The following THSD4 variants were observed in gnomAD, a reference collection of about 807,000 sequenced individuals.
The protein encoded by THSD4 is thrombospondin type-1 domain-containing protein 4.
Under a neutral mutation model 119.0 loss-of-function variants are expected in THSD4, and 69 were observed. The observed-to-expected ratio is 0.58, with a 90% CI of 0.48 to 0.71. The LOEUF (loss-of-function observed/expected upper bound fraction) is 0.71. Among genes scored for constraint, THSD4 ranks in the 30% least tolerant of loss-of-function variants. The pLI, the probability that THSD4 is intolerant of heterozygous loss-of-function variation, is 0.00. For synonymous variants in THSD4, 524 were observed against 540.4 expected (o/e 0.97, Z 0.42); for missense variants, 1,393 against 1,391.1 (o/e 1.00, Z -0.02).
intron 6 of THSD4, among the ~76,000 whole-genome samples, chr15:71,384,155 G>A (rs994081219): frequency 2.0e-5 from 3 of 152,170 alleles, no homozygotes; most frequent in Non-Finnish European, 4.4e-5. Context: ...CGAGGCGGGC[G>A]GATCACGATG....
intron 6 of THSD4, among the ~76,000 whole-genome samples, chr15:71,352,911 T>C (rs2045762170): frequency 6.6e-6 from 1 of 152,232 alleles, no homozygotes; most frequent in Non-Finnish European, 1.5e-5. Flanking sequence ...GAAGGGAGCA[T>C]CGTGAGCAAT....
rs150515472 is a variant in THSD4, at chr15:71,765,575, T to C, written c.2769+376T>C. Among the ~76,000 whole-genome samples, 992 of 152,292 alleles carry C rather than the reference T, an allele frequency of 6.5e-3. 5 individuals carry two copies. The highest frequency in any genetic ancestry group is 0.011 in the Non-Finnish European group (744 of 68,014). On this transcript the variant is annotated intron_variant, in intron 16 of 17. Coordinates refer to ENST00000261862, the MANE Select transcript of THSD4 (RefSeq NM_024817.3). ...TACTGCATTTTGAGCAATGCTGCCATAGAGGATTGAGGATTCAAGGGTGCT... is the reference window on the plus strand; with the variant it reads ...TACTGCATTTTGAGCAATGCTGCCACAGAGGATTGAGGATTCAAGGGTGCT...
intron 6 of THSD4, among the ~76,000 whole-genome samples, chr15:71,311,542 G>C (rs2045111067): frequency 6.6e-6 from 1 of 152,082 alleles, no homozygotes; most frequent in African/African-American, 2.4e-5. Flanking sequence ...GTCTGATCCC[G>C]GGGTTTCATG....
intron 7 of THSD4, among the ~76,000 whole-genome samples, chr15:71,565,125 G>C (rs1405428730): frequency 1.3e-5 from 2 of 152,166 alleles, no homozygotes; most frequent in Non-Finnish European, 2.9e-5. Context: ...AGGTCCAGCA[G>C]ATTTCTAGAG....
At chr15:71,477,220 G>A (rs2047666784) in intron 7 of THSD4, among the ~76,000 whole-genome samples, 1 of 152,226 alleles carries the variant, frequency 6.6e-6, no homozygotes. Context: ...CCAAATGTGT[G>A]AGGGTGTGAC....
intron 7 of THSD4, among the ~76,000 whole-genome samples, chr15:71,635,805 A>G (rs552104923): frequency 1.3e-5 from 2 of 152,254 alleles, no homozygotes; most frequent in Non-Finnish European, 2.9e-5. Context: ...TGCCCACAAC[A>G]TGGCACTTTA....
intron 1 of THSD4, among the ~76,000 whole-genome samples, chr15:71,104,803 T>C (rs946833757): frequency 1.3e-5 from 2 of 152,190 alleles, no homozygotes; most frequent in African/African-American, 4.8e-5. Flanking sequence ...AGTAGAGCTT[T>C]GTGTAAAAAT....
At chr15:71,575,164 G>T (rs926279641) in intron 7 of THSD4, among the ~76,000 whole-genome samples, 7 of 152,110 alleles carry the variant, frequency 4.6e-5, no homozygotes, top group African/African-American at 1.7e-4. Context: ...CTAAAGCTGG[G>T]CTTGTTTGGT....
intron 7 of THSD4, among the ~76,000 whole-genome samples, chr15:71,428,458 A>G (rs2046902782): frequency 6.6e-6 from 1 of 152,086 alleles, no homozygotes; most frequent in Admixed American, 6.5e-5. Flanking sequence ...ACGATTTTTT[A>G]ACATAGGCTG....
rs367608999 is a variant in THSD4 at position 71,194,465 on chromosome 15, T to C, written c.100-20570T>C. 2.2e-4 allele frequency among the ~76,000 whole-genome samples: 33 copies of C among 152,084 alleles called. No homozygotes were observed. In the East Asian group the frequency reaches 2.3e-3, roughly 11 times the overall value. ...TAGTTTGCCATTTCCACACTCAGGG[T>C]CGGGGCATGGATTTGGCCCCTCTGG... is the stretch of plus-strand genomic sequence containing the variant. On this transcript the variant is annotated intron_variant, in intron 3 of 17. Coordinates refer to ENST00000261862, the MANE Select transcript of THSD4 (RefSeq NM_024817.3).
chr15:71,600,491 C>A (rs925977284), intron 7 of THSD4, among the ~76,000 whole-genome samples: 5 of 152,180 alleles, frequency 3.3e-5, no homozygotes, highest in African/African-American at 1.2e-4. Flanking sequence ...TAATGCCTTA[C>A]ACATATGAGG....
At position 71,124,094 on chromosome 15, in the gene THSD4, C is replaced by T. The variant is rs78337265; in HGVS notation, c.-80+8396C>T. Among the ~76,000 whole-genome samples the T allele has an allele frequency of 6.8e-3, 1,040 of 152,302 alleles. 12 individuals carry two copies. Among genetic ancestry groups the T allele is most frequent in the African/African-American group, 0.024 (986 of 41,548 alleles). On this transcript the variant is annotated intron_variant, in intron 1 of 17. Transcript: ENST00000261862. ...TCATCTCTGTGTGTTTTCAGTCTGA[C>T]ACCAGCACCACCATTTGACAGACTG...
At chr15:71,595,710 A>G (rs1040234417) in intron 7 of THSD4, among the ~76,000 whole-genome samples, 2 of 152,188 alleles carry the variant, frequency 1.3e-5, no homozygotes, top group South Asian at 2.1e-4. Context: ...AGTGGAGAAC[A>G]TTCTCCCTTG....
At chr15:71,709,871 A>G (rs1372383984) in intron 8 of THSD4, among the ~76,000 whole-genome samples, 1 of 152,182 alleles carries the variant, frequency 6.6e-6, no homozygotes, top group Non-Finnish European at 1.5e-5. Context: ...GTTTAAAAAA[A>G]AAAACTTTTC....
intron 3 of THSD4, among the ~76,000 whole-genome samples, chr15:71,207,610 G>A (rs998816823): frequency 6.6e-6 from 1 of 152,218 alleles, no homozygotes; most frequent in Admixed American, 6.5e-5. Context: ...CAGCCGCACA[G>A]CAGGAGGTGA....
chr15:71,725,323 T>C (rs1202769778), intron 8 of THSD4, among the ~76,000 whole-genome samples: 1 of 152,000 alleles, frequency 6.6e-6, no homozygotes, highest in African/African-American at 2.4e-5. Flanking sequence ...GGCAAGGAGG[T>C]AATTACATAT....
At chr15:71,238,476 C>T (rs2044125282) in intron 4 of THSD4, among the ~76,000 whole-genome samples, 1 of 152,152 alleles carries the variant, frequency 6.6e-6, no homozygotes, top group African/African-American at 2.4e-5. Flanking sequence ...CTCTCTTTTC[C>T]CCTCTCTCCC....
At chr15:71,606,633 C>T (rs185935044) in intron 7 of THSD4, among the ~76,000 whole-genome samples, 8 of 152,306 alleles carry the variant, frequency 5.3e-5, no homozygotes, top group South Asian at 2.1e-4. Flanking sequence ...CTCCACCTCC[C>T]GGGTTCAAGC....
At chr15:71,171,096 G>C (rs547897304) in intron 3 of THSD4, among the ~76,000 whole-genome samples, 15 of 152,146 alleles carry the variant, frequency 9.9e-5, no homozygotes, top group Non-Finnish European at 1.6e-4. Context: ...AGTACCAAAA[G>C]GAGAAGAGAT....
Sources: allele counts gnomAD v4.1 joint callset (sites outside exome capture counted in the v4.1 genomes callset), GRCh38; gene constraint gnomAD v4.1.1; transcripts MANE v1.5; gene names NCBI Gene and HGNC (gene_info 2026-07-23, HGNC 2026-07-21).